TFPI2: variants seen among roughly 807,000 people sequenced by gnomAD.
TFPI2 encodes the protein placental protein 5.
In TFPI2, 23 loss-of-function variants were observed where a neutral mutation model predicts 23.1. The ratio of observed to expected loss-of-function variants is 1.00; its 90% CI spans 0.72 to 1.41. The LOEUF (loss-of-function observed/expected upper bound fraction) is 1.41. Among genes scored for constraint, TFPI2 ranks in the 40% most tolerant of loss-of-function variants. The probability of loss-of-function intolerance (pLI) is 0.00; values close to 1 mark genes in which losing one functional copy is unlikely to be tolerated. For missense variants in TFPI2, 291 were observed against 299.6 expected, an observed-to-expected ratio of 0.97 and a Z score of 0.21; for synonymous variants, 119 against 111.7, an observed-to-expected ratio of 1.07 and a Z score of -0.41.
At chr7:93,888,098 A>T (rs1021656933) in intron 3 of TFPI2, among the ~76,000 whole-genome samples, 2 of 152,170 alleles carry the variant, frequency 1.3e-5, no homozygotes, top group African/African-American at 4.8e-5. Flanking sequence ...CATTTCAAGG[A>T]TTCAGGGGTG....
In TFPI2 at chr7:93,886,432, A is replaced by T. The variant is rs1433650455; in HGVS notation, c.*388T>A. 6.4e-6 allele frequency: 1 copy of T among 155,452 alleles called. No individual in the cohort carries two copies. Among genetic ancestry groups the T allele is most frequent in the African/African-American group, 2.4e-5 (1 of 41,592 alleles). 9.6% of individuals were successfully genotyped at this position (155,452 alleles called of 1,614,324 possible). On this transcript the variant is annotated 3_prime_UTR_variant, in exon 5 of 5. Coordinates refer to ENST00000222543, the MANE Select transcript of TFPI2 (RefSeq NM_006528.4). The stretch of plus-strand genomic sequence containing the variant: ...TAATCCAACTTTTAAATGCAAAATG[A>T]GTTTTATTTGCTAGTCCTTTTTATT...
chr7:93,890,553 G>A (rs746888077), intron 1 of TFPI2, 38 bp downstream of exon 1: 3 of 1,599,986 alleles, frequency 1.9e-6, no homozygotes, highest in Non-Finnish European at 2.6e-6. Context: ...CGCCCTCTCC[G>A]CCGGTTGGGG....
In TFPI2 at chr7:93,890,062, T is replaced by C. The variant is rs1397360351; in HGVS notation, c.271+75A>G. 3.4e-6 allele frequency: 5 copies of C among 1,453,800 alleles called. No homozygotes were observed. In the South Asian group the frequency reaches 4.2e-5, roughly 12 times the overall value. 90.1% of individuals were successfully genotyped at this position (1,453,800 alleles called of 1,614,324 possible). ...AAAACTTCCTGTAGAAAGCGAGACG[T>C]GGGAAACTGGCGAAGCTGCTACCAG... On this transcript the variant is annotated intron_variant, in intron 2 of 4. Coordinates refer to ENST00000222543, the MANE Select transcript of TFPI2 (RefSeq NM_006528.4).
chr7:93,890,193 T>C lies in TFPI2; in HGVS notation c.215A>G (p.Asn72Ser), dbSNP rs565034885. The change falls in exon 2 of 5, where the codon AAC becomes AGC. Residue 72 changes from asparagine (N) to serine (S), a missense_variant. Coordinates refer to ENST00000222543, the MANE Select transcript of TFPI2 (RefSeq NM_006528.4). ...CTCCCAGGTGTAGAAATTGTTGGCG[T>C]TGCCCTCGCAGCCCCCGTACAGGAA... ...RQFLYGGCEG[N>S]ANNFYTWEAC... 3.1e-6 allele frequency: 5 copies of C among 1,613,320 alleles called. No individual in the cohort carries two copies. The South Asian group carries it at 5.5e-5, about 18-fold the overall frequency.
chr7:93,889,146 G>A lies in TFPI2; in HGVS notation c.349C>T (p.Leu117=). The A allele has an allele frequency of 6.2e-7, 1 of 1,613,360 alleles. No homozygotes were observed. Residue 117 remains leucine (L), a synonymous_variant, in exon 3 of 5, where the codon CTA becomes TTA. Coordinates refer to ENST00000222543, the MANE Select transcript of TFPI2 (RefSeq NM_006528.4). ...AATTTTTCACATGTCATGGAACTTAGATTAAAGAAATACTTTTCTGTGGAC... is the reference window on the plus strand; with the variant it reads ...AATTTTTCACATGTCATGGAACTTAAATTAAAGAAATACTTTTCTGTGGAC... The part of the protein sequence containing the change: ...EGSTEKYFFN[L]SSMTCEKFFS...
At chr7:93,888,798 G>A (rs1794066444) in intron 3 of TFPI2, among the ~76,000 whole-genome samples, 1 of 152,150 alleles carries the variant, frequency 6.6e-6, no homozygotes, top group Admixed American at 6.5e-5. Context: ...CTGCACTCCA[G>A]CCTGGGCAAC....
chr7:93,889,580 C>T (rs950042851), intron 2 of TFPI2, among the ~76,000 whole-genome samples: 1 of 151,800 alleles, frequency 6.6e-6, no homozygotes, highest in Non-Finnish European at 1.5e-5. Context: ...AGGCCTTAAC[C>T]GATATAATTT....
rs774383920 is a variant in TFPI2, at chr7:93,890,591, C to T, written c.88G>A (p.Gly30Arg). The T allele has an allele frequency of 1.2e-6, 2 of 1,613,110 alleles. No individual in the cohort carries two copies. Among genetic ancestry groups the T allele is most frequent in the Non-Finnish European group, 1.7e-6 (2 of 1,179,744 alleles). ...ALGDAAQEPT[G>R]NNAEICLLPL... ...AGAAGCTCCTGGAGCGGCCAGATAC[C>T]TGTTGGCTCCTGAGCAGCATCGCCC... is the stretch of plus-strand genomic sequence containing the variant. Residue 30 changes from glycine to arginine, a missense_variant and splice_region_variant, in exon 1 of 5, where the codon GGA (glycine) becomes AGA (arginine). Transcript: ENST00000222543.
chr7:93,886,613 C>A lies in TFPI2; in HGVS notation c.*207G>T. 2 of 442,346 alleles carry A rather than the reference C, an allele frequency of 4.5e-6. No homozygotes were observed. Among genetic ancestry groups the A allele is most frequent in the Non-Finnish European group, 7.9e-6 (2 of 253,934 alleles). The allele number at this position is 442,346 out of a possible 1,614,324, so 27.4% of individuals were successfully genotyped here. ...AATTCAGTCTCACAAACAGTTGAAC[C>A]ATAAATTAAAAATGGTAGACTCACA... is the stretch of plus-strand genomic sequence containing the variant. On this transcript the variant is annotated 3_prime_UTR_variant, in exon 5 of 5. Transcript: ENST00000222543.
At chr7:93,890,036 TA>T in intron 2 of TFPI2, 100 bp downstream of exon 2, 2 of 1,320,752 alleles carry the variant, frequency 1.5e-6, no homozygotes, top group Non-Finnish European at 2.0e-6. Context: ...AAACCCAGGC[TA>T]AAACTTCCTG....
intron 3 of TFPI2, among the ~76,000 whole-genome samples, chr7:93,888,008 C>G (rs1794029927): frequency 6.6e-6 from 1 of 152,182 alleles, no homozygotes; most frequent in African/African-American, 2.4e-5. Context: ...GTTTGTTGAA[C>G]TTTTCAAAAA....
At position 93,886,044 on chromosome 7, in the gene TFPI2, A is replaced by G. The variant is rs1793984694; in HGVS notation, c.*776T>C. ...GTTTATATAAATAAACACCTTAAACAGTATAAACATTTGAAAAACTTTACT... is the reference window on the plus strand; with the variant it reads ...GTTTATATAAATAAACACCTTAAACGGTATAAACATTTGAAAAACTTTACT... On this transcript the variant is annotated 3_prime_UTR_variant, in exon 5 of 5. Transcript: ENST00000222543. 1 of 152,088 alleles carries G rather than the reference A, an allele frequency of 6.6e-6. No individual in the cohort carries two copies. Among genetic ancestry groups the G allele is most frequent in the Non-Finnish European group, 1.5e-5 (1 of 67,930 alleles). The allele number at this position is 152,088 out of a possible 1,614,324, so 9.4% of individuals were successfully genotyped here.
At chr7:93,888,532 G>GGAAGGAAA (rs1465203284) in intron 3 of TFPI2, among the ~76,000 whole-genome samples, 6 of 96,412 alleles carry the variant, frequency 6.2e-5, no homozygotes, top group African/African-American at 1.9e-4. Flanking sequence ...AAAGAAGGAA[G>GGAAGGAAA]GAAGGAAGGA....
rs1793999134 is a variant in TFPI2 at position 93,886,697 on chromosome 7, T to G, written c.*123A>C. On this transcript the variant is annotated 3_prime_UTR_variant, in exon 5 of 5. Coordinates refer to ENST00000222543, the MANE Select transcript of TFPI2 (RefSeq NM_006528.4). Reference sequence around the variant, plus strand: ...CAAATTTTTTAAAAAGTGACTTGTATTAATAAAAACTGGTGAATAAATCAC... The same window carrying G: ...CAAATTTTTTAAAAAGTGACTTGTAGTAATAAAAACTGGTGAATAAATCAC... 2.9e-6 allele frequency: 2 copies of G among 698,028 alleles called. No individual in the cohort carries two copies. The highest frequency in any genetic ancestry group is 4.1e-5 in the South Asian group (2 of 48,206). The allele number at this position is 698,028 out of a possible 1,614,324, so 43.2% of individuals were successfully genotyped here.
intron 3 of TFPI2, 93 bp from the exon 4 acceptor site, chr7:93,887,524 C>T: frequency 5.1e-6 from 5 of 978,194 alleles, no homozygotes; most frequent in Non-Finnish European, 7.6e-6. Flanking sequence ...AATCTAATCC[C>T]ATAGAAGCCT....
chr7:93,890,486 G>C, intron 1 of TFPI2, 105 bp downstream of exon 1: 1 of 1,442,832 alleles, frequency 6.9e-7, no homozygotes, highest in Non-Finnish European at 9.3e-7. Flanking sequence ...GCGCGCGGCA[G>C]GGACCTGGAG....
intron 3 of TFPI2, 101 bp from the exon 4 acceptor site, chr7:93,887,532 C>T (rs1480557466): frequency 6.6e-6 from 6 of 911,256 alleles, no homozygotes; most frequent in African/African-American, 1.7e-5. Flanking sequence ...CCCATAGAAG[C>T]CTCAGTCTGA....
intron 1 of TFPI2, 58 bp downstream of exon 1, chr7:93,890,533 T>A: frequency 6.4e-7 from 1 of 1,568,940 alleles, no homozygotes; most frequent in South Asian, 1.2e-5. Flanking sequence ...CGGGGCCCCA[T>A]GGCCCGCTGC....
In TFPI2 at chr7:93,890,593, G is replaced by A; in HGVS notation, c.86C>T (p.Thr29Ile). The change falls in exon 1 of 5, where the codon ACA becomes ATA. Residue 29 changes from threonine to isoleucine, a missense_variant and splice_region_variant. Transcript: ENST00000222543. The part of the protein sequence containing the change: ...AALGDAAQEP[T>I]GNNAEICLLP... ...AAGCTCCTGGAGCGGCCAGATACCT[G>A]TTGGCTCCTGAGCAGCATCGCCCAG... is the stretch of plus-strand genomic sequence containing the variant. 5 of 1,613,294 alleles carry A rather than the reference G, an allele frequency of 3.1e-6. No individual in the cohort carries two copies. The highest frequency in any genetic ancestry group is 4.2e-6 in the Non-Finnish European group (5 of 1,179,758).
Sources: gnomAD v4.1 joint callset for allele counts (sites outside exome capture counted in the v4.1 genomes callset) on GRCh38, gnomAD v4.1.1 for gene constraint, MANE v1.5 for transcripts, NCBI Gene and HGNC (gene_info 2026-07-23, HGNC 2026-07-21) for gene names.